Variants in SLC16A7 observed in about 807,000 individuals in gnomAD.
The protein encoded by SLC16A7 is monocarboxylate transporter 2.
SLC16A7 carries 33 observed loss-of-function variants against 34.9 expected under a neutral mutation model. The observed-to-expected ratio is 0.94, with a 90% CI of 0.72 to 1.26. SLC16A7 has a LOEUF of 1.26. Among genes scored for constraint, SLC16A7 ranks in the 50% most tolerant of loss-of-function variants. SLC16A7 has a pLI of 0.00. For synonymous variants in SLC16A7, 201 were observed against 206.6 expected (o/e 0.97, Z 0.23); for missense variants, 573 against 578.1 (o/e 0.99, Z 0.09).
At chr12:59,755,985 T>C (rs975357562) in intron 3 of SLC16A7, among the ~76,000 whole-genome samples, 4 of 152,114 alleles carry the variant, frequency 2.6e-5, no homozygotes, top group African/African-American at 7.2e-5. Flanking sequence ...TGGACAAACC[T>C]GACAAAAACA....
intron 3 of SLC16A7, chr12:59,733,915 C>G: frequency 2.3e-6 from 1 of 438,504 alleles, no homozygotes; most frequent in Non-Finnish European, 4.6e-6. Flanking sequence ...AGCTGGTAAT[C>G]CTGACGTCTG....
intron 1 of SLC16A7, among the ~76,000 whole-genome samples, chr12:59,625,753 T>C (rs1015089364): frequency 6.6e-6 from 1 of 151,850 alleles, no homozygotes; most frequent in Non-Finnish European, 1.5e-5. Flanking sequence ...TCGTGTGGTA[T>C]AAGCATGTCT....
chr12:59,763,172 C>CT (rs1469622915), intron 3 of SLC16A7, among the ~76,000 whole-genome samples: 1 of 151,916 alleles, frequency 6.6e-6, no homozygotes, highest in African/African-American at 2.4e-5. Context: ...AATAGGCATC[C>CT]TGTATATCTA....
chr12:59,701,639 G>A (rs1376601695), intron 2 of SLC16A7, among the ~76,000 whole-genome samples: 1 of 151,618 alleles, frequency 6.6e-6, no homozygotes, highest in East Asian at 1.9e-4. Context: ...ATTTATACTA[G>A]TGTTGACACC....
At chr12:59,712,832 C>T (rs1874399200) in intron 3 of SLC16A7, among the ~76,000 whole-genome samples, 1 of 152,024 alleles carries the variant, frequency 6.6e-6, no homozygotes, top group South Asian at 2.1e-4. Context: ...AATCCCCCCT[C>T]ATATTCTCTG....
chr12:59,755,345 C>T (rs1185880595), intron 3 of SLC16A7, among the ~76,000 whole-genome samples: 3 of 152,162 alleles, frequency 2.0e-5, no homozygotes, highest in South Asian at 2.1e-4. Flanking sequence ...TGATTGTATA[C>T]CTAGAAAACC....
rs146762077 is a variant in SLC16A7 at position 59,775,190 on chromosome 12, T to A, written c.895T>A (p.Ser299Thr). ...MAFVDMFARPSVGLIANSKYI... is the reference protein window; with the variant it reads ...MAFVDMFARPTVGLIANSKYI... ...TTTCGTTGATATGTTTGCTAGGCCTTCTGTAGGATTAATTGCAAACTCCAA... is the reference window on the plus strand; with the variant it reads ...TTTCGTTGATATGTTTGCTAGGCCTACTGTAGGATTAATTGCAAACTCCAA... Residue 299 changes from serine (S) to threonine (T), a missense_variant, in exon 5 of 6, where the codon TCT (serine) becomes ACT (threonine). Transcript: ENST00000547379. 1.2e-4 allele frequency: 187 copies of A among 1,614,176 alleles called. No homozygotes were observed. The African/African-American group carries it at 2.3e-3, about 20-fold the overall frequency.
chr12:59,735,256 A>T (rs1456619578), intron 3 of SLC16A7, among the ~76,000 whole-genome samples: 1 of 152,204 alleles, frequency 6.6e-6, no homozygotes, highest in African/African-American at 2.4e-5. Flanking sequence ...TATTATTCTC[A>T]TCACAAGCTT....
chr12:59,777,053 A>G (rs1207102955), intron 5 of SLC16A7, among the ~76,000 whole-genome samples: 1 of 152,192 alleles, frequency 6.6e-6, no homozygotes, highest in Non-Finnish European at 1.5e-5. Context: ...GTCCAAATAC[A>G]TAGTGGGGAT....
intron 2 of SLC16A7, among the ~76,000 whole-genome samples, chr12:59,660,280 T>C (rs1052482331): frequency 1.3e-5 from 2 of 151,710 alleles, no homozygotes; most frequent in African/African-American, 4.8e-5. Flanking sequence ...GCAAAAGAGG[T>C]CCACGTCTTC....
intron 2 of SLC16A7, among the ~76,000 whole-genome samples, chr12:59,694,290 G>C (rs1278464131): frequency 6.6e-6 from 1 of 151,780 alleles, no homozygotes; most frequent in Non-Finnish European, 1.5e-5. Flanking sequence ...AGGATTGTTG[G>C]TTTTCTACAG....
chr12:59,702,364 G>T (rs564085620), intron 2 of SLC16A7, among the ~76,000 whole-genome samples: 28 of 152,074 alleles, frequency 1.8e-4, no homozygotes, highest in African/African-American at 6.7e-4. Flanking sequence ...TGAATAGATA[G>T]ATAGAAGACA....
chr12:59,604,587 A>G (rs940366785), intron 1 of SLC16A7, among the ~76,000 whole-genome samples: 4 of 152,220 alleles, frequency 2.6e-5, no homozygotes, highest in African/African-American at 9.6e-5. Context: ...TTTGTTGAAC[A>G]CTTCTATATT....
intron 1 of SLC16A7, among the ~76,000 whole-genome samples, chr12:59,621,163 C>A (rs1448888882): frequency 6.6e-6 from 1 of 151,886 alleles, no homozygotes; most frequent in Non-Finnish European, 1.5e-5. Flanking sequence ...GCTTGAATTT[C>A]ATGTTCCTCT....
intron 1 of SLC16A7, among the ~76,000 whole-genome samples, chr12:59,651,609 T>C (rs1484611374): frequency 6.6e-6 from 1 of 152,180 alleles, no homozygotes; most frequent in Admixed American, 6.6e-5. Flanking sequence ...ATGGATTTGC[T>C]TTTGGACATC....
chr12:59,689,080 T>C (rs373987879), intron 2 of SLC16A7, among the ~76,000 whole-genome samples: 9 of 152,082 alleles, frequency 5.9e-5, no homozygotes, highest in South Asian at 4.1e-4. Context: ...ATCATACAGG[T>C]TTATATCACT....
chr12:59,759,114 T>G (rs1225143189), intron 3 of SLC16A7, among the ~76,000 whole-genome samples: 1 of 151,998 alleles, frequency 6.6e-6, no homozygotes, highest in Non-Finnish European at 1.5e-5. Context: ...TACTGAGTAT[T>G]TTAATAATAA....
At chr12:59,613,140 C>T (rs528660394) in intron 1 of SLC16A7, among the ~76,000 whole-genome samples, 2 of 152,254 alleles carry the variant, frequency 1.3e-5, no homozygotes, top group Admixed American at 6.5e-5. Flanking sequence ...CACATGGCTG[C>T]GAGGCCGCAG....
chr12:59,765,569 G>A (rs973883490), intron 3 of SLC16A7, among the ~76,000 whole-genome samples: 4 of 152,106 alleles, frequency 2.6e-5, no homozygotes, highest in Non-Finnish European at 4.4e-5. Flanking sequence ...AGTTTTCCCA[G>A]CACCATTTAT....
Sources: gnomAD v4.1 joint callset for allele counts (sites outside exome capture counted in the v4.1 genomes callset) on GRCh38, gnomAD v4.1.1 for gene constraint, MANE v1.5 for transcripts, NCBI Gene and HGNC (gene_info 2026-07-23, HGNC 2026-07-21) for gene names.